Variants in CELSR1 observed in about 807,000 individuals in gnomAD.
The protein encoded by CELSR1 is adhesion G protein-coupled receptor C1.
In CELSR1, 110 loss-of-function variants were observed where a neutral mutation model predicts 249.1. The ratio of observed to expected loss-of-function variants is 0.44; its 90% CI spans 0.38 to 0.52. The LOEUF is 0.52. CELSR1 is among the 20% of genes least tolerant of loss of function. The probability of loss-of-function intolerance (pLI) is 0.00; values close to 1 mark genes in which losing one functional copy is unlikely to be tolerated. For missense variants in CELSR1, 4,109 were observed against 4,296.4 expected, an observed-to-expected ratio of 0.96 and a Z score of 1.22; for synonymous variants, 2,113 against 1,900.0, an observed-to-expected ratio of 1.11 and a Z score of -2.92.
chr22:46,392,198 A>G (rs8141620), intron 14 of CELSR1, among the ~76,000 whole-genome samples: 43,008 of 152,222 alleles, frequency 0.28, 9,753 homozygotes, highest in African/African-American at 0.63. Flanking sequence ...AACGTCCACC[A>G]TTGGGTGGGT....
Position 46,363,453 on chromosome 22 carries a change from T to C in CELSR1, c.9036-206A>G. On this transcript the variant is annotated intron_variant, in intron 34 of 34. Transcript: ENST00000674500. This position sits in a 1 kb window ranked among gnomAD's most constrained non-coding sequence, Gnocchi z 4.3. ...ACCAGGACCAGCCTGTGGGCCTCTG[T>C]GTTGCTGGTCTTTCAGAAGAGCGCA... The C allele has an allele frequency of 3.7e-6, 2 of 537,858 alleles. No individual in the cohort carries two copies. The highest frequency in any genetic ancestry group is 6.7e-6 in the Non-Finnish European group (2 of 298,988). 33.3% of individuals were successfully genotyped at this position (537,858 alleles called of 1,614,324 possible).
At chr22:46,501,209 T>C (rs1430264802) in intron 1 of CELSR1, among the ~76,000 whole-genome samples, 1 of 142,184 alleles carries the variant, frequency 7.0e-6, no homozygotes, top group East Asian at 2.0e-4. Context: ...ATTTTTTTTT[T>C]TTTTTTTTTT....
At chr22:46,469,990 G>A (rs1237190426) in intron 1 of CELSR1, among the ~76,000 whole-genome samples, 50 of 119,932 alleles carry the variant, frequency 4.2e-4, no homozygotes, top group South Asian at 6.2e-4. Context: ...GAGGAGGGGA[G>A]GGAGGGAGGG....
chr22:46,521,407 A>G (rs1480644008), intron 1 of CELSR1, among the ~76,000 whole-genome samples: 2 of 152,026 alleles, frequency 1.3e-5, no homozygotes, highest in African/African-American at 4.8e-5. Context: ...CGGGAGGCTG[A>G]GGCAGGAGAA....
chr22:46,380,231 C>T lies in CELSR1; in HGVS notation c.7256+557G>A, dbSNP rs192638076. 2.0e-3 allele frequency among the ~76,000 whole-genome samples: 305 copies of T among 152,362 alleles called. 5 individuals carry two copies. Among genetic ancestry groups the T allele is most frequent in the Non-Finnish European group, 3.0e-3 (203 of 68,044 alleles). On this transcript the variant is annotated intron_variant, in intron 22 of 34. Transcript: ENST00000674500. The surrounding 1 kb of genome is among the most constrained non-coding windows in gnomAD (Gnocchi z 5.1). ...ACACAGATTCTCGCGCACAGATTCT[C>T]CTGCGTTCGCCACTCTGTGACTCTC...
At chr22:46,375,291 G>A (rs1300400977) in intron 24 of CELSR1, among the ~76,000 whole-genome samples, 1 of 152,134 alleles carries the variant, frequency 6.6e-6, no homozygotes. Context: ...GGCCTCTGCA[G>A]GTGTCCCATC....
Position 46,411,150 on chromosome 22 carries a change from A to G in CELSR1, c.4769+452T>C, listed in dbSNP as rs564558582. ...GGAGGTCAAGGCTTCAGTGAGCTAG[A>G]ATCGTGCCACTGCACTCCAGCCTGG... On this transcript the variant is annotated intron_variant, in intron 6 of 34. Coordinates refer to ENST00000674500, the MANE Select transcript of CELSR1 (RefSeq NM_001378328.1). The surrounding 1 kb of genome is among the most constrained non-coding windows in gnomAD (Gnocchi z 4.2). Among the ~76,000 whole-genome samples, 11 of 152,236 alleles carry G rather than the reference A, an allele frequency of 7.2e-5. No homozygotes were observed. In the East Asian group the frequency reaches 1.5e-3, roughly 21 times the overall value.
At chr22:46,511,490 G>A (rs555291123) in intron 1 of CELSR1, among the ~76,000 whole-genome samples, 4 of 152,340 alleles carry the variant, frequency 2.6e-5, no homozygotes, top group African/African-American at 9.6e-5. Context: ...TTCATAACAC[G>A]ATAGTGACTG....
At chr22:46,522,477 G>A (rs1156430719) in intron 1 of CELSR1, among the ~76,000 whole-genome samples, 2 of 152,042 alleles carry the variant, frequency 1.3e-5, no homozygotes, top group African/African-American at 2.4e-5. Context: ...TTGGCCACTT[G>A]TATCTTTGGA....
intron 1 of CELSR1, among the ~76,000 whole-genome samples, chr22:46,492,154 C>T (rs1265032198): frequency 2.0e-5 from 3 of 152,334 alleles, no homozygotes; most frequent in Middle Eastern, 3.4e-3. Context: ...CAGGCTCCAG[C>T]AGGTCTGCAG....
At chr22:46,370,096 C>T (rs1180893297) in intron 25 of CELSR1, 2 of 520,256 alleles carry the variant, frequency 3.8e-6, no homozygotes, top group East Asian at 4.9e-5. Context: ...TGGAGGGTGG[C>T]AGTGAGATGG....
At chr22:46,365,491 G>C in intron 31 of CELSR1, 95 bp downstream of exon 31, 1 of 1,545,894 alleles carries the variant, frequency 6.5e-7, no homozygotes, top group East Asian at 2.4e-5. Flanking sequence ...AGCATGGCGA[G>C]GCTGCTAGTG....
At position 46,517,213 on chromosome 22, in the gene CELSR1, G is replaced by A. The variant is rs1190016119; in HGVS notation, c.3544+16414C>T. On this transcript the variant is annotated intron_variant, in intron 1 of 34. Coordinates refer to ENST00000674500, the MANE Select transcript of CELSR1 (RefSeq NM_001378328.1). The surrounding 1 kb of genome is among the most constrained non-coding windows in gnomAD (Gnocchi z 5.4). ...CAGGTGCAAGTTTGGCCCCTGAAGG[G>A]GCTTGGCCCATTTTCCCACTGCTCC... Among the ~76,000 whole-genome samples the A allele has an allele frequency of 6.6e-6, 1 of 152,208 alleles. No individual in the cohort carries two copies. Among genetic ancestry groups the A allele is most frequent in the African/African-American group, 2.4e-5 (1 of 41,442 alleles).
In CELSR1 at chr22:46,374,135, CTG is replaced by C. The variant is rs2078891834; in HGVS notation, c.7585-1080_7585-1079del. ...CCAGAGACAGGCCCTTTGCCTCAGACTGTGGCCTCGGTCAGGAAAGGAGGCGC... is the reference window on the plus strand; with the variant it reads ...CCAGAGACAGGCCCTTTGCCTCAGACTGGCCTCGGTCAGGAAAGGAGGCGC... On this transcript the variant is annotated intron_variant, in intron 24 of 34. Transcript: ENST00000674500. This position sits in a 1 kb window ranked among gnomAD's most constrained non-coding sequence, Gnocchi z 4.3. Among the ~76,000 whole-genome samples, 1 of 152,228 alleles carries C rather than the reference CTG, an allele frequency of 6.6e-6. No individual in the cohort carries two copies. Among genetic ancestry groups the C allele is most frequent in the South Asian group, 2.1e-4 (1 of 4,836 alleles).
Position 46,535,508 on chromosome 22 carries a change from C to G in CELSR1, c.1663G>C (p.Val555Leu), listed in dbSNP as rs144679988. The part of the protein sequence containing the change: ...INSSGVVSVQ[V>L]LDVNDNEPIF... ...GGCTCGTTGTCGTTGACATCCAGCA[C>G]CTGCACAGACACCACCCCTGAAGAA... The change falls in exon 1 of 35, where the codon GTG (valine) becomes CTG (leucine). Residue 555 changes from valine (V) to leucine (L), a missense_variant. Val to Leu is a conservative substitution (Grantham distance 32). This residue lies in a region of CELSR1 where 135 missense variants were observed against 190.0 expected (regional missense o/e 0.71). Transcript: ENST00000674500. 7.9e-5 allele frequency: 128 copies of G among 1,612,928 alleles called. No individual in the cohort carries two copies. The highest frequency in any genetic ancestry group is 1.1e-4 in the Non-Finnish European group (125 of 1,179,946).
rs149673677 is a variant in CELSR1, at chr22:46,364,707, C to T, written c.8584G>A (p.Gly2862Ser). The T allele has an allele frequency of 4.1e-4, 658 of 1,612,426 alleles. No individual in the cohort carries two copies. Among genetic ancestry groups the T allele is most frequent in the Middle Eastern group, 1.6e-3 (10 of 6,062 alleles). The change falls in exon 33 of 35, where the codon GGC becomes AGC. Residue 2862 changes from glycine (G) to serine (S), a missense_variant. By Grantham distance (56) the Gly-to-Ser change is moderately conservative (BLOSUM62 0). Around this residue, in one of 7 missense-constraint regions of CELSR1, gnomAD observed 1,805 missense variants for 1,831.6 expected, o/e 0.99. Coordinates refer to ENST00000674500, the MANE Select transcript of CELSR1 (RefSeq NM_001378328.1). ...GDAVANHVPA[G>S]WPDQSLAESD... is the part of the protein sequence containing the mutation. The stretch of plus-strand genomic sequence containing the variant: ...TCAGCCAGGCTCTGGTCGGGCCAGC[C>T]GGCCGGAACGTGGTTGGCCACAGCG...
In CELSR1 at chr22:46,390,274, G is replaced by T; in HGVS notation, c.6345+118C>A. The T allele has an allele frequency of 3.7e-6, 3 of 817,750 alleles. No homozygotes were observed. Among genetic ancestry groups the T allele is most frequent in the Non-Finnish European group, 5.7e-6 (3 of 528,950 alleles). 50.7% of individuals were successfully genotyped at this position (817,750 alleles called of 1,614,324 possible). On this transcript the variant is annotated intron_variant, in intron 17 of 34. Coordinates refer to ENST00000674500, the MANE Select transcript of CELSR1 (RefSeq NM_001378328.1). The surrounding 1 kb of genome is among the most constrained non-coding windows in gnomAD (Gnocchi z 6.3). ...TGCGGGCCCGTGGGGCTGTCCCTGC[G>T]CCATCCCAGCCGCCCCAACACTCCC...
rs1424202501 is a variant in CELSR1, at chr22:46,374,588, G to T, written c.7585-1531C>A. ...CATGCTCAGCCGTGCGTGGCTGCCG[G>T]GACAGCGCTCACTCCGGCAGGCGAC... On this transcript the variant is annotated intron_variant, in intron 24 of 34. Transcript: ENST00000674500. This position sits in a 1 kb window ranked among gnomAD's most constrained non-coding sequence, Gnocchi z 4.3. 3.9e-5 allele frequency among the ~76,000 whole-genome samples: 6 copies of T among 152,128 alleles called. No homozygotes were observed. Among genetic ancestry groups the T allele is most frequent in the Admixed American group, 1.3e-4 (2 of 15,282 alleles).
rs185326047 is a variant in CELSR1, at chr22:46,435,215, G to A, written c.4522+959C>T. On this transcript the variant is annotated intron_variant, in intron 4 of 34. Coordinates refer to ENST00000674500, the MANE Select transcript of CELSR1 (RefSeq NM_001378328.1). ...AATCTGCCCGCCTTGGCCTCTCAAA[G>A]TGCTAGGATTACAGGCATGAGCCAC... Among the ~76,000 whole-genome samples, 35 of 146,304 alleles carry A rather than the reference G, an allele frequency of 2.4e-4. No individual in the cohort carries two copies. The East Asian group carries it at 6.8e-3, about 29-fold the overall frequency.
Sources: gnomAD v4.1 joint callset for allele counts (sites outside exome capture counted in the v4.1 genomes callset) on GRCh38, gnomAD v4.1.1 for gene constraint, gnomAD v4.1.1 regional missense constraint, Gnocchi (gnomAD v3.1) non-coding constraint, MANE v1.5 for transcripts, NCBI Gene and HGNC (gene_info 2026-07-23, HGNC 2026-07-21) for gene names.